PBX4: variants seen among roughly 807,000 people sequenced by gnomAD.
PBX4 encodes the protein pre-B-cell leukemia transcription factor 4.
In PBX4, 26 loss-of-function variants were observed where a neutral mutation model predicts 35.1. The ratio of observed to expected loss-of-function variants is 0.74; its 90% CI spans 0.54 to 1.03. The LOEUF (loss-of-function observed/expected upper bound fraction) is 1.03, where lower values mean the gene tolerates loss of function less well. PBX4 is among the 50% of genes least tolerant of loss of function. The pLI, the probability that PBX4 is intolerant of heterozygous loss-of-function variation, is 0.00. For missense variants in PBX4, 448 were observed against 504.3 expected (o/e 0.89, Z 1.07); for synonymous variants, 199 against 204.2 (o/e 0.97, Z 0.22).
intron 1 of PBX4, among the ~76,000 whole-genome samples, chr19:19,612,823 C>T (rs1008245602): frequency 8.0e-5 from 12 of 150,260 alleles, no homozygotes; most frequent in Admixed American, 6.6e-4. Context: ...CGCCCCCCAC[C>T]ACACCATTTA....
At chr19:19,595,436 G>A (rs990035247) in intron 2 of PBX4, among the ~76,000 whole-genome samples, 1 of 152,158 alleles carries the variant, frequency 6.6e-6, no homozygotes, top group Non-Finnish European at 1.5e-5. Context: ...AGGGAGTGCT[G>A]CCAGGGAGTT....
At chr19:19,603,346 C>T (rs2061609154) in intron 1 of PBX4, among the ~76,000 whole-genome samples, 1 of 151,870 alleles carries the variant, frequency 6.6e-6, no homozygotes, top group African/African-American at 2.4e-5. Flanking sequence ...GAGTCTTACT[C>T]TATTGCTCAG....
chr19:19,563,677 A>C lies in PBX4; in HGVS notation c.926-62T>G. The C allele has an allele frequency of 7.2e-7, 1 of 1,388,074 alleles. No homozygotes were observed. The highest frequency in any genetic ancestry group is 1.0e-6 in the Non-Finnish European group (1 of 1,002,116). 86.0% of individuals were successfully genotyped at this position (1,388,074 alleles called of 1,614,324 possible). A position where few individuals can be genotyped will look rare whatever the true frequency, so the allele number is the denominator to read the frequency against. On this transcript the variant is annotated intron_variant, in intron 6 of 7. Coordinates refer to ENST00000251203, the MANE Select transcript of PBX4 (RefSeq NM_025245.3). This position sits in a 1 kb window ranked among gnomAD's most constrained non-coding sequence, Gnocchi z 5.1. ...GCGCCTCCTCAGGTGGAACCCACCC[A>C]GCCCCTCAGCCGGCAGGAGGCCTCG...
At chr19:19,582,000 G>C (rs184975262) in intron 2 of PBX4, among the ~76,000 whole-genome samples, 13 of 152,224 alleles carry the variant, frequency 8.5e-5, no homozygotes, top group Admixed American at 7.2e-4. Flanking sequence ...AGGACATCGT[G>C]GGGTGGCCCC....
intron 5 of PBX4, among the ~76,000 whole-genome samples, chr19:19,567,906 C>G (rs1373765570): frequency 9.0e-6 from 1 of 111,314 alleles, no homozygotes; most frequent in East Asian, 2.9e-4. Context: ...GAGCTCACAC[C>G]CCACCTGTAT....
At chr19:19,566,409 A>C (rs965703356) in intron 5 of PBX4, among the ~76,000 whole-genome samples, 1 of 152,266 alleles carries the variant, frequency 6.6e-6, no homozygotes, top group Admixed American at 6.5e-5. Context: ...GCCTTCCTAC[A>C]GGCATGGAGA....
intron 2 of PBX4, among the ~76,000 whole-genome samples, chr19:19,596,363 A>AATAAATAT: frequency 4.0e-5 from 1 of 24,802 alleles, no homozygotes; most frequent in East Asian, 1.4e-3. Flanking sequence ...ACAGAGTGAG[A>AATAAATAT]ATAAATAAAT....
At chr19:19,611,462 T>C (rs1390297501) in intron 1 of PBX4, among the ~76,000 whole-genome samples, 1 of 151,228 alleles carries the variant, frequency 6.6e-6, no homozygotes, top group Non-Finnish European at 1.5e-5. Context: ...GGGCAGATCA[T>C]GAGGTCAGGA....
At chr19:19,589,624 G>A (rs571408731) in intron 2 of PBX4, among the ~76,000 whole-genome samples, 5 of 152,014 alleles carry the variant, frequency 3.3e-5, no homozygotes, top group South Asian at 2.1e-4. Flanking sequence ...ACAAAAATTA[G>A]TTGGGCATGG....
chr19:19,600,249 G>A (rs2061588952), intron 1 of PBX4, among the ~76,000 whole-genome samples: 2 of 152,016 alleles, frequency 1.3e-5, no homozygotes, highest in Admixed American at 1.3e-4. Context: ...ACTATGGTAA[G>A]GCATTAGTGG....
At chr19:19,592,163 G>A (rs1404525705) in intron 2 of PBX4, among the ~76,000 whole-genome samples, 2 of 152,138 alleles carry the variant, frequency 1.3e-5, no homozygotes, top group Non-Finnish European at 2.9e-5. Context: ...GATTATAGGC[G>A]TGAGCCACTG....
At chr19:19,569,734 A>T in intron 4 of PBX4, 150 bp from the exon 5 acceptor site, 1 of 1,113,650 alleles carries the variant, frequency 9.0e-7, no homozygotes, top group East Asian at 2.6e-5. Context: ...ACATAGTGAA[A>T]CCCCGTTTCT....
intron 2 of PBX4, among the ~76,000 whole-genome samples, chr19:19,584,778 A>G (rs1023519317): frequency 6.6e-5 from 10 of 151,988 alleles, no homozygotes; most frequent in Admixed American, 5.9e-4. Context: ...GGCATGCACC[A>G]CCATGCCTGG....
At chr19:19,579,280 C>T (rs1257947032) in intron 2 of PBX4, among the ~76,000 whole-genome samples, 3 of 151,100 alleles carry the variant, frequency 2.0e-5, no homozygotes, top group African/African-American at 4.9e-5. Flanking sequence ...ACCTGGGAGG[C>T]GGAGGTTGCA....
chr19:19,588,559 G>A (rs546857650), intron 2 of PBX4: 2 of 444,814 alleles, frequency 4.5e-6, no homozygotes, highest in African/African-American at 2.0e-5. Flanking sequence ...TTACAGGTGT[G>A]AGCCACCGTG....
At chr19:19,592,186 G>A (rs1247028532) in intron 2 of PBX4, among the ~76,000 whole-genome samples, 5 of 152,222 alleles carry the variant, frequency 3.3e-5, no homozygotes, top group South Asian at 2.1e-4. Context: ...CCTGGCCAAC[G>A]TGACACATCT....
intron 2 of PBX4, among the ~76,000 whole-genome samples, chr19:19,589,898 C>A (rs966321676): frequency 6.6e-6 from 1 of 152,146 alleles, no homozygotes; most frequent in Admixed American, 6.6e-5. Flanking sequence ...GGTCAGAAGA[C>A]AAACCAGAAA....
intron 2 of PBX4, among the ~76,000 whole-genome samples, chr19:19,596,774 C>T (rs2061563730): frequency 6.6e-6 from 1 of 151,560 alleles, no homozygotes; most frequent in Admixed American, 6.6e-5. Context: ...CAAAAATTAG[C>T]TGGGCAACGT....
At chr19:19,564,514 C>G (rs771083818) in intron 6 of PBX4, among the ~76,000 whole-genome samples, 9 of 152,072 alleles carry the variant, frequency 5.9e-5, no homozygotes, top group African/African-American at 1.9e-4. Context: ...CCGCCCGCCT[C>G]GGCCTGGGAT....
Sources: allele counts gnomAD v4.1 joint callset (sites outside exome capture counted in the v4.1 genomes callset), GRCh38; gene constraint gnomAD v4.1.1; non-coding constraint Gnocchi (gnomAD v3.1); transcripts MANE v1.5; gene names NCBI Gene and HGNC (gene_info 2026-07-23, HGNC 2026-07-21).